Variants in MVB12B observed in about 807,000 individuals in gnomAD.
The protein encoded by MVB12B is ESCRT-I complex subunit MVB12B.
A neutral mutation model predicts 41.6 loss-of-function variants in MVB12B; 16 were observed. The ratio of observed to expected loss-of-function variants is 0.38; its 90% CI spans 0.26 to 0.58. The LOEUF is 0.58. Ranked by LOEUF, MVB12B falls within the 20% of genes least tolerant of loss-of-function variation. MVB12B has a pLI of 0.62. For missense variants in MVB12B, 274 were observed against 380.2 expected (o/e 0.72, Z 2.32); for synonymous variants, 133 against 139.7 (o/e 0.95, Z 0.34).
At chr9:126,349,254 CGT>C (rs1313925755) in intron 2 of MVB12B, among the ~76,000 whole-genome samples, 1 of 152,074 alleles carries the variant, frequency 6.6e-6, no homozygotes, top group Admixed American at 6.5e-5. Flanking sequence ...GCAGGGGAAT[CGT>C]GTCCTGGACT....
At chr9:126,393,805 T>A (rs1327959241) in intron 5 of MVB12B, among the ~76,000 whole-genome samples, 1 of 152,240 alleles carries the variant, frequency 6.6e-6, no homozygotes, top group African/African-American at 2.4e-5. Flanking sequence ...GCCATGTGTT[T>A]CCCTGTGGGC....
chr9:126,377,686 G>A (rs565481469), intron 2 of MVB12B, among the ~76,000 whole-genome samples: 6 of 152,128 alleles, frequency 3.9e-5, no homozygotes, highest in East Asian at 1.9e-4. Context: ...AGGCACTGCC[G>A]TTGTCCTTGT....
At chr9:126,388,170 A>G (rs892294845) in intron 4 of MVB12B, among the ~76,000 whole-genome samples, 5 of 151,058 alleles carry the variant, frequency 3.3e-5, no homozygotes, top group South Asian at 2.1e-4. Context: ...CTTAGCAATC[A>G]CTCTCTTATT....
chr9:126,402,954 G>A (rs577991286), intron 6 of MVB12B, among the ~76,000 whole-genome samples: 9 of 152,330 alleles, frequency 5.9e-5, no homozygotes, highest in African/African-American at 1.9e-4. Context: ...CCTTCCAGCC[G>A]AAAGGACCAG....
chr9:126,446,293 A>C (rs1031264368), intron 7 of MVB12B, among the ~76,000 whole-genome samples: 17 of 152,178 alleles, frequency 1.1e-4, no homozygotes, highest in Admixed American at 2.6e-4. Flanking sequence ...AGTTATTGTT[A>C]TATTTCTGAA....
At position 126,409,797 on chromosome 9, in the gene MVB12B, T is replaced by A. The variant is rs12002828; in HGVS notation, c.663-12057T>A. 3.6e-3 allele frequency among the ~76,000 whole-genome samples: 549 copies of A among 152,306 alleles called. 2 individuals carry two copies. Among genetic ancestry groups the A allele is most frequent in the African/African-American group, 0.013 (528 of 41,560 alleles). ...AGTAATTGTGTAAGTCTTCCAGGCT[T>A]TCTCCCAGTTCTGCGATAATTTGAT... On this transcript the variant is annotated intron_variant, in intron 6 of 9. Coordinates refer to ENST00000361171, the MANE Select transcript of MVB12B (RefSeq NM_033446.3).
intron 2 of MVB12B, among the ~76,000 whole-genome samples, chr9:126,351,316 C>T (rs1829740611): frequency 6.6e-6 from 1 of 151,982 alleles, no homozygotes; most frequent in African/African-American, 2.4e-5. Context: ...TGTGATTTTC[C>T]ACCTGGACAA....
intron 7 of MVB12B, among the ~76,000 whole-genome samples, chr9:126,424,792 G>A (rs10987273): frequency 0.24 from 36,748 of 151,922 alleles, 4,635 homozygotes; most frequent in South Asian, 0.27. Flanking sequence ...TAATCCAAAC[G>A]GCCACGGCCA....
intron 7 of MVB12B, among the ~76,000 whole-genome samples, chr9:126,474,875 G>GC (rs1366830570): frequency 6.6e-6 from 1 of 152,090 alleles, no homozygotes; most frequent in African/African-American, 2.4e-5. Flanking sequence ...CTCCTTGAAG[G>GC]CCCCCGGGAT....
chr9:126,475,831 G>A (rs1223673591), intron 7 of MVB12B, among the ~76,000 whole-genome samples: 2 of 152,166 alleles, frequency 1.3e-5, no homozygotes, highest in African/African-American at 4.8e-5. Context: ...GACCAGCCTG[G>A]ACAGCCTGGA....
In MVB12B at chr9:126,473,882, T is replaced by C. The variant is rs1833372427; in HGVS notation, c.758-7487T>C. ...TATTTGATGCCTGTTCACCACCTTG[T>C]GTATGGGCAGTAAGCACGGATTCCC... is the stretch of plus-strand genomic sequence containing the variant. On this transcript the variant is annotated intron_variant, in intron 7 of 9. Transcript: ENST00000361171. This position sits in a 1 kb window ranked among gnomAD's most constrained non-coding sequence, Gnocchi z 4.0. Among the ~76,000 whole-genome samples the C allele has an allele frequency of 6.6e-6, 1 of 152,204 alleles. No individual in the cohort carries two copies. The highest frequency in any genetic ancestry group is 2.4e-5 in the African/African-American group (1 of 41,446).
intron 7 of MVB12B, among the ~76,000 whole-genome samples, chr9:126,450,486 T>C (rs1247868050): frequency 6.6e-6 from 1 of 152,196 alleles, no homozygotes. Flanking sequence ...GGACCAGGGA[T>C]GTACTCCCTC....
At chr9:126,409,488 G>GTT (rs1831560288) in intron 6 of MVB12B, among the ~76,000 whole-genome samples, 1 of 151,922 alleles carries the variant, frequency 6.6e-6, no homozygotes, top group Admixed American at 6.6e-5. Context: ...AATTGGGGGG[G>GTT]GACACAGAAA....
chr9:126,469,075 C>G (rs1331188840), intron 7 of MVB12B, among the ~76,000 whole-genome samples: 1 of 152,200 alleles, frequency 6.6e-6, no homozygotes, highest in Admixed American at 6.5e-5. Flanking sequence ...ACTTGGGAGG[C>G]TGAGGCAGGA....
chr9:126,435,944 C>G (rs913733950), intron 7 of MVB12B, among the ~76,000 whole-genome samples: 7 of 152,234 alleles, frequency 4.6e-5, no homozygotes, highest in Admixed American at 4.6e-4. Flanking sequence ...AAAAAGAGAT[C>G]ATACCTTTTC....
chr9:126,392,509 A>T lies in MVB12B; in HGVS notation c.539+314A>T, dbSNP rs1314317650. Among the ~76,000 whole-genome samples the T allele has an allele frequency of 1.3e-5, 2 of 152,222 alleles. No individual in the cohort carries two copies. The highest frequency in any genetic ancestry group is 6.5e-5 in the Admixed American group (1 of 15,288). On this transcript the variant is annotated intron_variant, in intron 5 of 9. Transcript: ENST00000361171. The surrounding 1 kb of genome is among the most constrained non-coding windows in gnomAD (Gnocchi z 4.8). ...GCTCTTCACACTCGTTATTCACCCT[A>T]GGAAAGGTCACAGGGACCTATTTTG...
intron 9 of MVB12B, among the ~76,000 whole-genome samples, chr9:126,494,575 C>G (rs552495520): frequency 6.6e-6 from 1 of 152,172 alleles, no homozygotes; most frequent in Non-Finnish European, 1.5e-5. Flanking sequence ...TTCTTATGGT[C>G]TCTGGGAACT....
intron 7 of MVB12B, among the ~76,000 whole-genome samples, chr9:126,454,926 C>G (rs904440058): frequency 1.4e-4 from 22 of 152,200 alleles, no homozygotes; most frequent in African/African-American, 5.3e-4. Flanking sequence ...ACTGGGCAGC[C>G]CTTTCTTCCC....
chr9:126,451,850 T>C (rs989295318), intron 7 of MVB12B, among the ~76,000 whole-genome samples: 3 of 152,096 alleles, frequency 2.0e-5, no homozygotes, highest in Admixed American at 6.5e-5. Flanking sequence ...AGGTGGAATA[T>C]GAAGAGCAGA....
Sources: allele counts gnomAD v4.1 joint callset (sites outside exome capture counted in the v4.1 genomes callset), GRCh38; gene constraint gnomAD v4.1.1; non-coding constraint Gnocchi (gnomAD v3.1); transcripts MANE v1.5; gene names NCBI Gene and HGNC (gene_info 2026-07-23, HGNC 2026-07-21).